The following RNF144A variants were observed in gnomAD, a reference collection of about 807,000 sequenced individuals.
The protein encoded by RNF144A is E3 ubiquitin-protein ligase RNF144A.
In RNF144A, 11 loss-of-function variants were observed where a neutral mutation model predicts 38.7. That is an observed-to-expected ratio of 0.28 (90% CI 0.18 to 0.47). The LOEUF is 0.47. RNF144A is among the 20% of genes least tolerant of loss of function. RNF144A has a pLI of 0.99. For missense variants in RNF144A, 316 were observed against 377.2 expected (o/e 0.84, Z 1.34); for synonymous variants, 149 against 143.9 (o/e 1.04, Z -0.25).
chr2:7,054,186 G>A (rs1191213563), intron 6 of RNF144A, among the ~76,000 whole-genome samples: 2 of 152,162 alleles, frequency 1.3e-5, no homozygotes, highest in Admixed American at 6.5e-5. Context: ...TGAGAAAGCA[G>A]CTGATGAGAG....
downstream of RNF144A, among the ~76,000 whole-genome samples, chr2:7,070,932 G>GTT (rs138072047): frequency 2.2e-4 from 27 of 123,034 alleles, no homozygotes; most frequent in Non-Finnish European, 3.2e-4. Context: ...GCTTTGCTGA[G>GTT]TTTTTTTTTT....
At chr2:6,960,641 A>C (rs1257634539) in intron 2 of RNF144A, among the ~76,000 whole-genome samples, 2 of 152,206 alleles carry the variant, frequency 1.3e-5, no homozygotes, top group African/African-American at 4.8e-5. Flanking sequence ...CTCTGCGTAG[A>C]TCAGGCATGT....
At chr2:6,966,201 C>G (rs1394478417) in intron 2 of RNF144A, among the ~76,000 whole-genome samples, 1 of 152,238 alleles carries the variant, frequency 6.6e-6, no homozygotes, top group African/African-American at 2.4e-5. Context: ...ATGTTTTCAC[C>G]TTCTAGCTAG....
chr2:7,069,978 G>A (rs55791019), downstream of RNF144A, among the ~76,000 whole-genome samples: 380 of 152,312 alleles, frequency 2.5e-3, 2 homozygotes, highest in African/African-American at 8.6e-3. Context: ...GTGCTAACAC[G>A]AAGACACAAT....
intron 6 of RNF144A, among the ~76,000 whole-genome samples, chr2:7,056,481 T>G (rs577845368): frequency 1.1e-4 from 17 of 152,288 alleles, no homozygotes; most frequent in Admixed American, 3.3e-4. Flanking sequence ...AATGCACTGA[T>G]TTATCTTGAG....
intron 8 of RNF144A, among the ~76,000 whole-genome samples, chr2:7,038,392 T>G (rs1174378237): frequency 6.6e-6 from 1 of 152,202 alleles, no homozygotes; most frequent in Admixed American, 6.5e-5. Flanking sequence ...GATGGCAGTT[T>G]CTGTAGAATG....
downstream of RNF144A, among the ~76,000 whole-genome samples, chr2:7,070,737 G>T (rs915105933): frequency 1.3e-5 from 2 of 152,098 alleles, no homozygotes; most frequent in Non-Finnish European, 2.9e-5. Context: ...CGATGGAGGA[G>T]GTAACAATTG....
At chr2:7,026,531 A>G (rs435009) in intron 7 of RNF144A, among the ~76,000 whole-genome samples, 63,625 of 150,076 alleles carry the variant, frequency 0.42, 14,600 homozygotes, top group South Asian at 0.76. Context: ...TGATCATTGA[A>G]TTATGATATA....
At chr2:6,984,072 G>A (rs550212124) in intron 2 of RNF144A, among the ~76,000 whole-genome samples, 1 of 152,178 alleles carries the variant, frequency 6.6e-6, no homozygotes, top group South Asian at 2.1e-4. Flanking sequence ...GCATTTTTCT[G>A]GTGCATCGGG....
At chr2:6,974,342 G>A (rs542339004) in intron 2 of RNF144A, among the ~76,000 whole-genome samples, 1 of 152,238 alleles carries the variant, frequency 6.6e-6, no homozygotes, top group South Asian at 2.1e-4. Context: ...GCAGACTGCC[G>A]AGATCCATCT....
At chr2:7,066,985 T>G (rs1042929454) in intron 6 of RNF144A, among the ~76,000 whole-genome samples, 1 of 152,238 alleles carries the variant, frequency 6.6e-6, no homozygotes, top group Non-Finnish European at 1.5e-5. Context: ...TCAATCATTA[T>G]TTTTGCTGCG....
intron 1 of RNF144A, among the ~76,000 whole-genome samples, chr2:6,931,529 G>C (rs962946800): frequency 6.6e-6 from 1 of 152,162 alleles, no homozygotes; most frequent in Non-Finnish European, 1.5e-5. Context: ...ACTGCCCTCT[G>C]GTCCACAAAA....
intron 2 of RNF144A, among the ~76,000 whole-genome samples, chr2:6,948,983 G>A (rs1456572062): frequency 6.6e-6 from 1 of 152,234 alleles, no homozygotes; most frequent in Non-Finnish European, 1.5e-5. Flanking sequence ...GGGGGCAGAG[G>A]AGAGGCACCA....
chr2:6,995,954 C>T (rs903309279), intron 2 of RNF144A, among the ~76,000 whole-genome samples: 1 of 146,874 alleles, frequency 6.8e-6, no homozygotes, highest in African/African-American at 2.5e-5. Context: ...CCTCAGAACA[C>T]CTCTGTGAGA....
chr2:7,053,313 A>G (rs1475109422), intron 6 of RNF144A, among the ~76,000 whole-genome samples: 1 of 152,200 alleles, frequency 6.6e-6, no homozygotes, highest in Non-Finnish European at 1.5e-5. Flanking sequence ...TGCACATTAT[A>G]TTAGTTGTTT....
intron 1 of RNF144A, among the ~76,000 whole-genome samples, chr2:6,940,277 G>T (rs1489661488): frequency 6.6e-6 from 1 of 152,086 alleles, no homozygotes; most frequent in Non-Finnish European, 1.5e-5. Flanking sequence ...TTAATATACA[G>T]ATCTTACACA....
At chr2:6,946,179 A>G (rs2103305979) in intron 2 of RNF144A, among the ~76,000 whole-genome samples, 1 of 152,362 alleles carries the variant, frequency 6.6e-6, no homozygotes, top group East Asian at 1.9e-4. Flanking sequence ...TATTCCCAAA[A>G]GCCTAACAAC....
intron 6 of RNF144A, among the ~76,000 whole-genome samples, chr2:7,065,212 C>T (rs1462122798): frequency 6.6e-6 from 1 of 152,018 alleles, no homozygotes; most frequent in African/African-American, 2.4e-5. Context: ...TTCTTTTGTC[C>T]AAAAAGGATT....
At chr2:6,979,178 A>G (rs1558401133) in intron 2 of RNF144A, among the ~76,000 whole-genome samples, 1 of 152,138 alleles carries the variant, frequency 6.6e-6, no homozygotes, top group Non-Finnish European at 1.5e-5. Context: ...TCTCTTCTGA[A>G]TGAGTGGGAG....
Sources: allele counts gnomAD v4.1 joint callset (sites outside exome capture counted in the v4.1 genomes callset), GRCh38; gene constraint gnomAD v4.1.1; transcripts MANE v1.5; gene names NCBI Gene and HGNC (gene_info 2026-07-23, HGNC 2026-07-21).